Variants in C8orf34 observed in about 807,000 individuals in gnomAD.
C8orf34 encodes chromosome 8 open reading frame 34.
A neutral mutation model predicts 68.3 loss-of-function variants in C8orf34; 65 were observed. That is an observed-to-expected ratio of 0.95 (90% CI 0.78 to 1.17). C8orf34 has a LOEUF of 1.17. Among genes scored for constraint, C8orf34 ranks in the 50% most tolerant of loss-of-function variants. The pLI is 0.00. For synonymous variants in C8orf34, 244 were observed against 241.2 expected, an observed-to-expected ratio of 1.01 and a Z score of -0.11; for missense variants, 664 against 655.4, an observed-to-expected ratio of 1.01 and a Z score of -0.14.
chr8:68,473,876 G>A (rs1273053038), intron 4 of C8orf34, among the ~76,000 whole-genome samples: 2 of 152,124 alleles, frequency 1.3e-5, no homozygotes, highest in Non-Finnish European at 2.9e-5. Flanking sequence ...TTCTCTGGTA[G>A]TTGTAACCCT....
intron 1 of C8orf34, among the ~76,000 whole-genome samples, chr8:68,419,291 C>T (rs1809832681): frequency 6.8e-6 from 1 of 147,396 alleles, no homozygotes; most frequent in Admixed American, 6.7e-5. Flanking sequence ...CCATCTCACA[C>T]CAGTTAGAAT....
chr8:68,547,853 A>G (rs911805345), intron 7 of C8orf34, among the ~76,000 whole-genome samples: 5 of 151,808 alleles, frequency 3.3e-5, no homozygotes, highest in Non-Finnish European at 7.4e-5. Flanking sequence ...TAAGGCTAGA[A>G]TAACAGATTA....
chr8:68,544,747 A>G (rs970653253), intron 7 of C8orf34, among the ~76,000 whole-genome samples: 4 of 152,168 alleles, frequency 2.6e-5, no homozygotes, highest in Non-Finnish European at 5.9e-5. Flanking sequence ...AAAGTTTAGT[A>G]TCCAAAATTT....
intron 7 of C8orf34, among the ~76,000 whole-genome samples, chr8:68,540,866 A>T (rs184194108): frequency 9.9e-5 from 15 of 152,132 alleles, no homozygotes; most frequent in Admixed American, 9.2e-4. Context: ...GAAAGAAAGA[A>T]TTTAAAATAG....
chr8:68,616,144 T>C (rs1818205133), intron 7 of C8orf34, among the ~76,000 whole-genome samples: 1 of 151,376 alleles, frequency 6.6e-6, no homozygotes, highest in Non-Finnish European at 1.5e-5. Context: ...ATATCCCCTT[T>C]ATTGTTTTTT....
rs1188477655 is a variant in C8orf34 at position 68,365,176 on chromosome 8, C to T, written c.327+33837C>T. Reference sequence around the variant, plus strand: ...ATGGATAAATTCCTCGACACATACACTCTCCCAAGACTAAACCAGGAAGAA... The same window carrying T: ...ATGGATAAATTCCTCGACACATACATTCTCCCAAGACTAAACCAGGAAGAA... On this transcript the variant is annotated intron_variant, in intron 1 of 13. Transcript: ENST00000518698. Among the ~76,000 whole-genome samples the T allele has an allele frequency of 3.2e-4, 42 of 131,856 alleles. No homozygotes were observed. The East Asian group carries it at 7.6e-3, about 24-fold the overall frequency. The allele number at this position is 131,856 out of a possible 152,430, so 86.5% of individuals were successfully genotyped here. A position where few individuals can be genotyped will look rare whatever the true frequency, so the allele number is the denominator to read the frequency against.
At position 68,594,768 on chromosome 8, in the gene C8orf34, A is replaced by G. The variant is rs377293529; in HGVS notation, c.1106-45608A>G. On this transcript the variant is annotated intron_variant, in intron 7 of 13. Transcript: ENST00000518698. ...ACAGTCTTGGACTTTTGAACAGTGA[A>G]CTTAACCCATGTAACTTTATGGAAA... Among the ~76,000 whole-genome samples, 5 of 152,206 alleles carry G rather than the reference A, an allele frequency of 3.3e-5. No individual in the cohort carries two copies. The East Asian group carries it at 9.7e-4, about 29-fold the overall frequency.
chr8:68,425,492 A>G (rs931367866), intron 1 of C8orf34, among the ~76,000 whole-genome samples: 1 of 152,192 alleles, frequency 6.6e-6, no homozygotes, highest in Admixed American at 6.5e-5. Flanking sequence ...TAGAAATATA[A>G]TATAACTTAC....
chr8:68,602,430 C>G (rs1391416645), intron 7 of C8orf34, among the ~76,000 whole-genome samples: 1 of 152,146 alleles, frequency 6.6e-6, no homozygotes. Flanking sequence ...TCCATCTTCA[C>G]ATGGTGGCAG....
chr8:68,606,325 GC>G (rs1817852189), intron 7 of C8orf34, among the ~76,000 whole-genome samples: 1 of 152,188 alleles, frequency 6.6e-6, no homozygotes, highest in Admixed American at 6.5e-5. Flanking sequence ...ACATCCCAGT[GC>G]CTGGAATAAT....
chr8:68,520,367 G>T (rs1814696764), intron 5 of C8orf34, among the ~76,000 whole-genome samples: 1 of 152,116 alleles, frequency 6.6e-6, no homozygotes. Context: ...AGATTATATT[G>T]TATTATATTC....
chr8:68,713,787 T>C lies in C8orf34; in HGVS notation c.1327+4708T>C, dbSNP rs1039388601. Among the ~76,000 whole-genome samples the C allele has an allele frequency of 5.9e-5, 9 of 152,142 alleles. No individual in the cohort carries two copies. In the East Asian group the frequency reaches 1.7e-3, roughly 29 times the overall value. The stretch of plus-strand genomic sequence containing the variant: ...GAAAAGGGTAATCCTTTCTAAATCA[T>C]TTTATGAAGCCAATATTACCTTAAT... On this transcript the variant is annotated intron_variant, in intron 9 of 13. Transcript: ENST00000518698.
intron 10 of C8orf34, among the ~76,000 whole-genome samples, chr8:68,744,153 A>G (rs1481749632): frequency 2.0e-5 from 3 of 152,172 alleles, no homozygotes; most frequent in African/African-American, 7.2e-5. Flanking sequence ...GGGTACTCCA[A>G]CAGACCTTCA....
chr8:68,792,229 A>G (rs1426675486), intron 12 of C8orf34: 2 of 152,160 alleles, frequency 1.3e-5, no homozygotes, highest in African/African-American at 4.8e-5. Flanking sequence ...TGAGAAAGGA[A>G]AGAAATAAGA....
chr8:68,365,349 C>G (rs1092889), intron 1 of C8orf34, among the ~76,000 whole-genome samples: 3,826 of 29,732 alleles, frequency 0.13, 325 homozygotes, highest in African/African-American at 0.25. Context: ...CCTTCTGAAA[C>G]TATTCCAATC....
intron 8 of C8orf34, among the ~76,000 whole-genome samples, chr8:68,692,533 T>G (rs1563612906): frequency 6.6e-6 from 1 of 151,902 alleles, no homozygotes; most frequent in Non-Finnish European, 1.5e-5. Flanking sequence ...CAACAAAGAA[T>G]GACACATTTA....
At chr8:68,598,563 C>A (rs1392300072) in intron 7 of C8orf34, among the ~76,000 whole-genome samples, 21 of 152,048 alleles carry the variant, frequency 1.4e-4, no homozygotes. Flanking sequence ...AGACCAGAAA[C>A]CAAATGAAAA....
intron 1 of C8orf34, among the ~76,000 whole-genome samples, chr8:68,388,391 A>G (rs753787431): frequency 2.6e-5 from 4 of 152,100 alleles, no homozygotes; most frequent in Non-Finnish European, 4.4e-5. Context: ...CTAGCTGAGA[A>G]TCACCCCTTT....
chr8:68,558,484 C>CT lies in C8orf34; in HGVS notation c.1105+25343dup, dbSNP rs565899145. Among the ~76,000 whole-genome samples, 470 of 151,600 alleles carry CT rather than the reference C, an allele frequency of 3.1e-3. 5 individuals carry two copies. The highest frequency in any genetic ancestry group is 0.011 in the African/African-American group (437 of 41,364). On this transcript the variant is annotated intron_variant, in intron 7 of 13. Coordinates refer to ENST00000518698, the MANE Select transcript of C8orf34 (RefSeq NM_052958.4). ...AAGAAAATCTCTAACTATATAGTTT[C>CT]TTTTTTTTCTCATAAAGTGTACCAA...
Sources: allele counts gnomAD v4.1 joint callset (sites outside exome capture counted in the v4.1 genomes callset), GRCh38; gene constraint gnomAD v4.1.1; transcripts MANE v1.5; gene names NCBI Gene and HGNC (gene_info 2026-07-23, HGNC 2026-07-21).